ATAD2: variants seen among roughly 807,000 people sequenced by gnomAD.
ATAD2 encodes ATPase family AAA domain-containing protein 2.
ATAD2 carries 62 observed loss-of-function variants against 168.9 expected under a neutral mutation model. The observed-to-expected ratio is 0.37, with a 90% CI of 0.30 to 0.45. ATAD2 has a LOEUF of 0.45. ATAD2 is among the 20% of genes least tolerant of loss of function. The pLI is 1.00. For missense variants in ATAD2, 1,419 were observed against 1,667.8 expected (o/e 0.85, Z 2.60); for synonymous variants, 613 against 571.6 (o/e 1.07, Z -1.03).
intron 1 of ATAD2, among the ~76,000 whole-genome samples, chr8:123,388,859 C>T (rs1829721200): frequency 6.6e-6 from 1 of 151,574 alleles, no homozygotes; most frequent in South Asian, 2.1e-4. Context: ...ATGCTTCGGT[C>T]CCTTGGTTTA....
intron 19 of ATAD2, among the ~76,000 whole-genome samples, chr8:123,340,929 T>C (rs1828042834): frequency 6.6e-6 from 1 of 151,568 alleles, no homozygotes; most frequent in African/African-American, 2.4e-5. Context: ...AAAAAATGGA[T>C]GAAATGGTAA....
intron 8 of ATAD2, among the ~76,000 whole-genome samples, chr8:123,365,990 C>T (rs926184417): frequency 2.6e-5 from 4 of 152,152 alleles, no homozygotes; most frequent in African/African-American, 9.7e-5. Context: ...AGGCAACCCA[C>T]AGTATGGGAG....
chr8:123,349,589 A>C (rs1828380747), intron 13 of ATAD2, 145 bp from the exon 14 acceptor site: 1 of 739,792 alleles, frequency 1.4e-6, no homozygotes, highest in South Asian at 2.0e-5. Flanking sequence ...TGGATTAAAA[A>C]AATCTATAAA....
intron 13 of ATAD2, among the ~76,000 whole-genome samples, chr8:123,354,702 G>C (rs1319412200): frequency 6.6e-6 from 1 of 151,350 alleles, no homozygotes; most frequent in Non-Finnish European, 1.5e-5. Context: ...GCTGGGCATG[G>C]TGGGGCACAC....
At chr8:123,328,798 ATTTTTT>A (rs35015706) in intron 24 of ATAD2, among the ~76,000 whole-genome samples, 111 of 126,910 alleles carry the variant, frequency 8.7e-4, no homozygotes, top group Non-Finnish European at 1.3e-3. Flanking sequence ...TTATCTTGAA[ATTTTTT>A]TTTTTTTTTT....
At position 123,334,564 on chromosome 8, in the gene ATAD2, C is replaced by T. The variant is rs184040505; in HGVS notation, c.3212-242G>A. ...TTACTGCTCTGTCCTGTTCAGATCCCTTTGAAATATCAGAAAAAAAAAAGG... is the reference window on the plus strand; with the variant it reads ...TTACTGCTCTGTCCTGTTCAGATCCTTTTGAAATATCAGAAAAAAAAAAGG... On this transcript the variant is annotated intron_variant, in intron 22 of 27. Transcript: ENST00000287394. Among the ~76,000 whole-genome samples the T allele has an allele frequency of 1.1e-3, 168 of 151,694 alleles. 2 individuals are homozygous for T. In the East Asian group the frequency reaches 0.031, roughly 28 times the overall value.
intron 12 of ATAD2, 34 bp from the exon 13 acceptor site, chr8:123,356,511 T>C (rs1828650464): frequency 1.3e-6 from 2 of 1,499,258 alleles, no homozygotes; most frequent in African/African-American, 2.8e-5. Flanking sequence ...TTTGTTAGCA[T>C]AAACAGCCTC....
intron 2 of ATAD2, among the ~76,000 whole-genome samples, chr8:123,376,854 A>G (rs1829330663): frequency 6.6e-6 from 1 of 151,882 alleles, no homozygotes. Flanking sequence ...GCACTTTGGG[A>G]GGCCAAGGCA....
intron 8 of ATAD2, among the ~76,000 whole-genome samples, chr8:123,365,588 C>T (rs1242976072): frequency 6.6e-6 from 1 of 152,074 alleles, no homozygotes; most frequent in Non-Finnish European, 1.5e-5. Flanking sequence ...GGCACACAGA[C>T]AAATGGAACA....
intron 4 of ATAD2, 45 bp downstream of exon 4, chr8:123,371,625 G>T: frequency 6.5e-7 from 1 of 1,530,020 alleles, no homozygotes; most frequent in Non-Finnish European, 8.9e-7. Context: ...CCAACAAAAA[G>T]TCTCTGACAG....
At chr8:123,393,843 G>T (rs994624431) in intron 1 of ATAD2, among the ~76,000 whole-genome samples, 10 of 152,120 alleles carry the variant, frequency 6.6e-5, no homozygotes, top group African/African-American at 1.7e-4. Context: ...CTTGAACCCG[G>T]GAGGCGGAAA....
At chr8:123,401,025 G>T, upstream of ATAD2, 2 of 1,556,918 alleles carry the variant, frequency 1.3e-6, no homozygotes, top group Non-Finnish European at 1.8e-6. Context: ...CAGGCACCAT[G>T]GGCAGCAAGC....
chr8:123,329,220 A>G (rs879612420), intron 24 of ATAD2, among the ~76,000 whole-genome samples: 4 of 152,138 alleles, frequency 2.6e-5, no homozygotes, highest in Non-Finnish European at 5.9e-5. Flanking sequence ...AAGAAGGGCA[A>G]GACTTGAAAT....
intron 1 of ATAD2, among the ~76,000 whole-genome samples, chr8:123,414,359 G>C (rs565938665): frequency 2.6e-5 from 4 of 152,270 alleles, no homozygotes; most frequent in African/African-American, 9.6e-5. Flanking sequence ...GCAAGTTGTA[G>C]AACCTACCCA....
chr8:123,396,463 G>C, upstream of ATAD2: 2 of 1,266,024 alleles, frequency 1.6e-6, no homozygotes, highest in Non-Finnish European at 2.1e-6. Flanking sequence ...CACAAGCTCC[G>C]CGCCAGCGGC....
At chr8:123,329,496 C>G (rs1455734289) in intron 24 of ATAD2, among the ~76,000 whole-genome samples, 2 of 152,070 alleles carry the variant, frequency 1.3e-5, no homozygotes, top group Non-Finnish European at 2.9e-5. Flanking sequence ...GGCGCGGTGG[C>G]TCACGCCTGT....
upstream of ATAD2, chr8:123,401,067 CT>C: frequency 6.4e-7 from 1 of 1,573,684 alleles, no homozygotes. Flanking sequence ...GAGACATCGA[CT>C]TTCTTGCTGA....
In ATAD2 at chr8:123,373,180, C is replaced by G. The variant is rs574461902; in HGVS notation, c.321-494G>C. ...GTGCTGGGATTACAGGCTTGAGGCA[C>G]CACGCCTGGCCGCTAACTTTTAACA... On this transcript the variant is annotated intron_variant, in intron 2 of 27. Coordinates refer to ENST00000287394, the MANE Select transcript of ATAD2 (RefSeq NM_014109.4). Among the ~76,000 whole-genome samples the G allele has an allele frequency of 8.6e-5, 13 of 152,010 alleles. No homozygotes were observed. The South Asian group carries it at 2.5e-3, about 29-fold the overall frequency.
chr8:123,383,628 C>A (rs1829558883), intron 1 of ATAD2, among the ~76,000 whole-genome samples: 1 of 152,044 alleles, frequency 6.6e-6, no homozygotes, highest in Admixed American at 6.6e-5. Context: ...AAAAAATCAG[C>A]CGGGCGAGGT....
Sources: gnomAD v4.1 joint callset for allele counts (sites outside exome capture counted in the v4.1 genomes callset) on GRCh38, gnomAD v4.1.1 for gene constraint, MANE v1.5 for transcripts, NCBI Gene and HGNC (gene_info 2026-07-23, HGNC 2026-07-21) for gene names.